TNFRSF11A: variants seen among roughly 807,000 people sequenced by gnomAD.
TNFRSF11A encodes tumor necrosis factor receptor superfamily member 11A.
Under a neutral mutation model 55.7 loss-of-function variants are expected in TNFRSF11A, and 32 were observed. That is an observed-to-expected ratio of 0.57 (90% confidence interval 0.43 to 0.77). The LOEUF is 0.77. Ranked by LOEUF, TNFRSF11A falls within the 30% of genes least tolerant of loss-of-function variation. The pLI, the probability that TNFRSF11A is intolerant of heterozygous loss-of-function variation, is 0.00. For synonymous variants in TNFRSF11A, 311 were observed against 331.0 expected (o/e 0.94, Z 0.65); for missense variants, 753 against 809.8 (o/e 0.93, Z 0.85).
At position 62,361,719 on chromosome 18, in the gene TNFRSF11A, T is replaced by C; in HGVS notation, c.656T>C (p.Leu219Pro). The C allele has an allele frequency of 1.2e-6, 2 of 1,614,244 alleles. No homozygotes were observed. Among genetic ancestry groups the C allele is most frequent in the African/African-American group, 1.3e-5 (1 of 75,068 alleles). The change falls in exon 7 of 10, where the codon CTC (leucine) becomes CCC (proline). Residue 219 changes from leucine (L) to proline (P), a missense_variant. This residue lies in a region of TNFRSF11A where 567 missense variants were observed against 596.7 expected (regional missense o/e 0.95). Coordinates refer to ENST00000586569, the MANE Select transcript of TNFRSF11A (RefSeq NM_003839.4). ...VYLPGLIILL[L>P]FASVALVAAI... ...TTGCCCGGTTTAATAATTCTGCTTCTCTTCGCGTCTGTGGCCCTGGTGGCT... is the reference window on the plus strand; with the variant it reads ...TTGCCCGGTTTAATAATTCTGCTTCCCTTCGCGTCTGTGGCCCTGGTGGCT...
chr18:62,354,526 A>G lies in TNFRSF11A; in HGVS notation c.419A>G (p.Gln140Arg), dbSNP rs200173184. ...NTECAPGLGA[Q>R]HPLQLNKDTV... ...GAGTGCGCGCCGGGCCTGGGCGCCC[A>G]GCACCCGTGTACGGGTTGGATGTGT... The change falls in exon 4 of 10, where the codon CAG (glutamine) becomes CGG (arginine). Residue 140 changes from glutamine (Q) to arginine (R), a missense_variant. Gln to Arg is a conservative substitution (Grantham distance 43, BLOSUM62 1). Coordinates refer to ENST00000586569, the MANE Select transcript of TNFRSF11A (RefSeq NM_003839.4). The G allele has an allele frequency of 3.7e-6, 6 of 1,602,750 alleles. No individual in the cohort carries two copies. In the Admixed American group the frequency reaches 1.0e-4, roughly 27 times the overall value.
chr18:62,328,744 G>C (rs1196137592), intron 1 of TNFRSF11A, among the ~76,000 whole-genome samples: 3 of 152,200 alleles, frequency 2.0e-5, no homozygotes, highest in Admixed American at 2.0e-4. Flanking sequence ...TGCCTTGTTT[G>C]GGGAGCACAG....
Position 62,359,890 on chromosome 18 carries a change from A to G in TNFRSF11A, c.522-65A>G, listed in dbSNP as rs1344451611. ...AGCTGGCAATCTGGGAGAGTTTTGCATTTGTTCACTTTTTAAAAAACAAGC... is the reference window on the plus strand; with the variant it reads ...AGCTGGCAATCTGGGAGAGTTTTGCGTTTGTTCACTTTTTAAAAAACAAGC... On this transcript the variant is annotated intron_variant, in intron 5 of 9. Coordinates refer to ENST00000586569, the MANE Select transcript of TNFRSF11A (RefSeq NM_003839.4). 6 of 1,453,856 alleles carry G rather than the reference A, an allele frequency of 4.1e-6. No individual in the cohort carries two copies. The East Asian group carries it at 1.4e-4, about 33-fold the overall frequency. The allele number at this position is 1,453,856 out of a possible 1,614,324, so 90.1% of individuals were successfully genotyped here. A position where few individuals can be genotyped will look rare whatever the true frequency, so the allele number is the denominator to read the frequency against.
intron 8 of TNFRSF11A, 105 bp from the exon 9 acceptor site, chr18:62,368,596 T>C: frequency 8.5e-7 from 1 of 1,172,414 alleles, no homozygotes; most frequent in East Asian, 2.5e-5. Context: ...GTACTTGTTA[T>C]GGTGGAAATA....
chr18:62,385,097 C>T lies in TNFRSF11A; in HGVS notation c.*63C>T. 1 of 1,386,084 alleles carries T rather than the reference C, an allele frequency of 7.2e-7. No homozygotes were observed. The allele number at this position is 1,386,084 out of a possible 1,614,324, so 85.9% of individuals were successfully genotyped here. A position where few individuals can be genotyped will look rare whatever the true frequency, so the allele number is the denominator to read the frequency against. On this transcript the variant is annotated 3_prime_UTR_variant, in exon 10 of 10. Transcript: ENST00000586569. Reference sequence around the variant, plus strand: ...GGGCTCGCGAGGGCAGCACCGCAGCCTCTGCCCCAGCCCCGGCCACCCAGG... The same window carrying T: ...GGGCTCGCGAGGGCAGCACCGCAGCTTCTGCCCCAGCCCCGGCCACCCAGG...
chr18:62,373,225 AG>A (rs1910673393), intron 9 of TNFRSF11A, among the ~76,000 whole-genome samples: 3 of 152,224 alleles, frequency 2.0e-5, no homozygotes, highest in Non-Finnish European at 2.9e-5. Flanking sequence ...TGGGAGGCTG[AG>A]GTGGGCGGAT....
At chr18:62,361,858 G>T in intron 7 of TNFRSF11A, 65 bp downstream of exon 7, 2 of 1,414,708 alleles carry the variant, frequency 1.4e-6, no homozygotes, top group Non-Finnish European at 2.0e-6. Context: ...TAAATGCTTT[G>T]GAAGTTGAGT....
intron 4 of TNFRSF11A, 80 bp downstream of exon 4, chr18:62,354,614 C>T (rs1909114913): frequency 4.4e-6 from 7 of 1,587,324 alleles, no homozygotes; most frequent in Non-Finnish European, 6.0e-6. Flanking sequence ...ATAATAGCAG[C>T]AAGAAAGCTC....
intron 7 of TNFRSF11A, among the ~76,000 whole-genome samples, chr18:62,362,892 G>A (rs1281140617): frequency 6.6e-6 from 1 of 152,146 alleles, no homozygotes; most frequent in Non-Finnish European, 1.5e-5. Flanking sequence ...TGCCTAGGCT[G>A]GAGTGTAGTG....
intron 1 of TNFRSF11A, among the ~76,000 whole-genome samples, chr18:62,337,353 T>C (rs557693061): frequency 4.3e-4 from 65 of 152,344 alleles, no homozygotes; most frequent in African/African-American, 1.4e-3. Context: ...ATGAAGTGCC[T>C]AGTATTTAAA....
intron 4 of TNFRSF11A, chr18:62,357,957 T>C (rs1178945943): frequency 9.7e-6 from 4 of 412,748 alleles, no homozygotes; most frequent in African/African-American, 6.1e-5. Flanking sequence ...TGACCAGAGC[T>C]AGCCTGACCT....
intron 2 of TNFRSF11A, 116 bp downstream of exon 2, chr18:62,348,365 C>A: frequency 1.1e-6 from 1 of 872,996 alleles, no homozygotes; most frequent in Non-Finnish European, 1.9e-6. Flanking sequence ...ATGGTAGTGG[C>A]AGGTGGTAAT....
chr18:62,325,471 C>A lies in TNFRSF11A; in HGVS notation c.75+44C>A. ...TGCCGGGCCGCGCGGCCCGACGCCT[C>A]CTCGGGAGCCCCGGGAAGGGCCGGG... On this transcript the variant is annotated intron_variant, in intron 1 of 9. Transcript: ENST00000586569. The surrounding 1 kb of genome is among the most constrained non-coding windows in gnomAD (Gnocchi z 4.7). 8.3e-7 allele frequency: 1 copy of A among 1,197,910 alleles called. No homozygotes were observed. The highest frequency in any genetic ancestry group is 1.0e-6 in the Non-Finnish European group (1 of 953,928). The allele number at this position is 1,197,910 out of a possible 1,614,324, so 74.2% of individuals were successfully genotyped here.
chr18:62,352,403 G>C (rs989764439), intron 3 of TNFRSF11A, among the ~76,000 whole-genome samples: 1 of 152,142 alleles, frequency 6.6e-6, no homozygotes, highest in African/African-American at 2.4e-5. Context: ...TAATGTGCTG[G>C]AGACAGCTGG....
intron 3 of TNFRSF11A, among the ~76,000 whole-genome samples, chr18:62,352,611 A>G (rs759181598): frequency 6.6e-6 from 1 of 152,252 alleles, no homozygotes; most frequent in Non-Finnish European, 1.5e-5. Context: ...AATTATGTCA[A>G]AATTATTCAT....
At chr18:62,358,080 A>C in intron 4 of TNFRSF11A, 168 bp from the exon 5 acceptor site, 2 of 648,856 alleles carry the variant, frequency 3.1e-6, no homozygotes, top group Non-Finnish European at 2.7e-6. Context: ...AGCCTGTGGG[A>C]GCTGAAGAAG....
In TNFRSF11A at chr18:62,385,667, C is replaced by CCA. The variant is rs1462058282; in HGVS notation, c.*634_*635insAC. The CCA allele has an allele frequency of 2.0e-5, 3 of 151,446 alleles. No individual in the cohort carries two copies. The highest frequency in any genetic ancestry group is 6.9e-3 in the Middle Eastern group (2 of 290). The allele number at this position is 151,446 out of a possible 1,614,324, so 9.4% of individuals were successfully genotyped here. ...CCAGCTTCCTCCCCCCGACTCCCCC[C>CCA]CCAGAGACACGGTCCCACCATGTTA... On this transcript the variant is annotated 3_prime_UTR_variant, in exon 10 of 10. Transcript: ENST00000586569.
In TNFRSF11A at chr18:62,388,876, A is replaced by G. The variant is rs1164874636; in HGVS notation, c.*3842A>G. ...TAAACAGATAAAAGATCGAGTGTTC[A>G]CCCTTCACCTCAGCTCAACAAACAA... On this transcript the variant is annotated 3_prime_UTR_variant, in exon 10 of 10. Transcript: ENST00000586569. 2 of 152,226 alleles carry G rather than the reference A, an allele frequency of 1.3e-5. No homozygotes were observed. The highest frequency in any genetic ancestry group is 4.8e-5 in the African/African-American group (2 of 41,450). The allele number at this position is 152,226 out of a possible 1,614,324, so 9.4% of individuals were successfully genotyped here.
chr18:62,354,457 G>A lies in TNFRSF11A; in HGVS notation c.350G>A (p.Gly117Glu), dbSNP rs1909093282. 1.2e-6 allele frequency: 2 copies of A among 1,600,990 alleles called. No individual in the cohort carries two copies. Among genetic ancestry groups the A allele is most frequent in the Non-Finnish European group, 1.7e-6 (2 of 1,179,098 alleles). ...TTPRRCACTA[G>E]YHWSQDCECC... Reference sequence around the variant, plus strand: ...CCCCGGCGCTGCGCGTGCACGGCTGGGTACCACTGGAGCCAGGACTGCGAG... The same window carrying A: ...CCCCGGCGCTGCGCGTGCACGGCTGAGTACCACTGGAGCCAGGACTGCGAG... The change falls in exon 4 of 10, where the codon GGG (glycine) becomes GAG (glutamate). Residue 117 changes from glycine to glutamate, a missense_variant. Transcript: ENST00000586569.
Sources: gnomAD v4.1 joint callset for allele counts (sites outside exome capture counted in the v4.1 genomes callset) on GRCh38, gnomAD v4.1.1 for gene constraint, gnomAD v4.1.1 regional missense constraint, Gnocchi (gnomAD v3.1) non-coding constraint, MANE v1.5 for transcripts, NCBI Gene and HGNC (gene_info 2026-07-23, HGNC 2026-07-21) for gene names.